Variants in SLC8A1 observed in about 807,000 individuals in gnomAD.
SLC8A1 encodes the protein sodium/calcium exchanger 1.
SLC8A1 carries 18 observed loss-of-function variants against 68.3 expected under a neutral mutation model. The observed-to-expected ratio is 0.26, with a 90% confidence interval of 0.18 to 0.39. SLC8A1 has a LOEUF of 0.39. Ranked by LOEUF, SLC8A1 falls within the 10% of genes least tolerant of loss-of-function variation. SLC8A1 has a pLI of 1.00. For synonymous variants in SLC8A1, 475 were observed against 415.5 expected (o/e 1.14, Z -1.74); for missense variants, 985 against 1,156.7 (o/e 0.85, Z 2.15).
At chr2:40,402,807 C>G (rs1373774882) in intron 2 of SLC8A1, among the ~76,000 whole-genome samples, 1 of 152,330 alleles carries the variant, frequency 6.6e-6, no homozygotes, top group East Asian at 1.9e-4. Context: ...CATCATTCAA[C>G]TACTCAACTT....
chr2:40,338,182 A>G (rs566171353), intron 2 of SLC8A1, among the ~76,000 whole-genome samples: 1 of 152,236 alleles, frequency 6.6e-6, no homozygotes, highest in East Asian at 1.9e-4. Context: ...GTAGTGGGGT[A>G]GCATCATGCA....
At chr2:40,294,622 G>C (rs182689002) in intron 2 of SLC8A1, among the ~76,000 whole-genome samples, 16 of 152,252 alleles carry the variant, frequency 1.1e-4, no homozygotes, top group Admixed American at 9.8e-4. Context: ...ACCAAGCGTA[G>C]TCACCTCTTG....
At chr2:40,334,781 T>A (rs1665400729) in intron 2 of SLC8A1, among the ~76,000 whole-genome samples, 1 of 152,156 alleles carries the variant, frequency 6.6e-6, no homozygotes, top group African/African-American at 2.4e-5. Flanking sequence ...AGAAATCTAA[T>A]TTGCATCTGG....
At chr2:40,258,818 G>C (rs898580018) in intron 2 of SLC8A1, among the ~76,000 whole-genome samples, 1 of 151,668 alleles carries the variant, frequency 6.6e-6, no homozygotes, top group East Asian at 1.9e-4. Flanking sequence ...CACCAGCCTG[G>C]GCAACAGAGT....
At chr2:40,449,246 G>C (rs963793430) in intron 1 of SLC8A1, among the ~76,000 whole-genome samples, 8 of 151,606 alleles carry the variant, frequency 5.3e-5, no homozygotes, top group Non-Finnish European at 1.0e-4. Flanking sequence ...ACATCTATGA[G>C]CTAAATGAAT....
chr2:40,166,495 G>A (rs1213695457), intron 4 of SLC8A1, among the ~76,000 whole-genome samples: 2 of 152,140 alleles, frequency 1.3e-5, no homozygotes, highest in Non-Finnish European at 2.9e-5. Context: ...AAATGATTTT[G>A]GACTGGCCAG....
At chr2:40,186,158 T>C (rs112344855) in intron 2 of SLC8A1, among the ~76,000 whole-genome samples, 47 of 152,304 alleles carry the variant, frequency 3.1e-4, no homozygotes, top group Admixed American at 1.0e-3. Context: ...TTTTCTTGCA[T>C]TGTGTTTACT....
At chr2:40,450,133 C>T (rs1297996457) in intron 1 of SLC8A1, among the ~76,000 whole-genome samples, 1 of 152,146 alleles carries the variant, frequency 6.6e-6, no homozygotes, top group Non-Finnish European at 1.5e-5. Flanking sequence ...TTCCTTCCTC[C>T]TGCTTTCACA....
intron 1 of SLC8A1, among the ~76,000 whole-genome samples, chr2:40,509,816 TTTTG>T (rs1169248388): frequency 8.2e-6 from 1 of 121,456 alleles, no homozygotes; most frequent in African/African-American, 3.3e-5. Context: ...ACAGCCTTTT[TTTTG>T]TTTTTTTTCC....
At chr2:40,195,439 T>G (rs1290071062) in intron 2 of SLC8A1, among the ~76,000 whole-genome samples, 4 of 151,834 alleles carry the variant, frequency 2.6e-5, no homozygotes, top group Admixed American at 6.6e-5. Flanking sequence ...GAAAATTGGT[T>G]GGGATCAGTC....
At chr2:40,188,950 CATTTT>C (rs1453775494) in intron 2 of SLC8A1, among the ~76,000 whole-genome samples, 1 of 152,118 alleles carries the variant, frequency 6.6e-6, no homozygotes, top group Non-Finnish European at 1.5e-5. Context: ...TTAAATTTCA[CATTTT>C]AATTTTATGT....
chr2:40,419,614 T>C (rs908778464), intron 2 of SLC8A1, among the ~76,000 whole-genome samples: 2 of 152,124 alleles, frequency 1.3e-5, no homozygotes, highest in Admixed American at 6.6e-5. Context: ...AACACAGATA[T>C]ACACACTGAA....
chr2:40,097,332 T>G (rs1572667766), exon 8 of SLC8A1: 1 of 86,306 alleles, frequency 1.2e-5, no homozygotes, highest in Admixed American at 1.2e-4. Flanking sequence ...GGAAAACAAT[T>G]AAGACAATGA....
At chr2:40,290,467 C>G (rs1376591698) in intron 2 of SLC8A1, among the ~76,000 whole-genome samples, 1 of 152,210 alleles carries the variant, frequency 6.6e-6, no homozygotes, top group East Asian at 1.9e-4. Context: ...GGTGCATTGT[C>G]TCAAAGAAAA....
At chr2:40,295,634 G>C (rs17025772) in intron 2 of SLC8A1, among the ~76,000 whole-genome samples, 6,991 of 152,146 alleles carry the variant, frequency 0.046, 311 homozygotes, top group East Asian at 0.22. Context: ...AGCAGATATT[G>C]ATCATAAGAA....
intron 2 of SLC8A1, among the ~76,000 whole-genome samples, chr2:40,412,455 A>G (rs1692452622): frequency 6.6e-6 from 1 of 152,192 alleles, no homozygotes; most frequent in African/African-American, 2.4e-5. Flanking sequence ...AATAACTAGC[A>G]AGTTATAGCA....
At chr2:40,113,082 G>A (rs2034766999) in exon 8 of SLC8A1, 1 of 152,214 alleles carries the variant, frequency 6.6e-6, no homozygotes, top group African/African-American at 2.4e-5. Context: ...CTGAGGGCAG[G>A]GATCTAGACT....
chr2:40,279,384 G>C (rs535300104), intron 2 of SLC8A1, among the ~76,000 whole-genome samples: 1 of 152,144 alleles, frequency 6.6e-6, no homozygotes, highest in Non-Finnish European at 1.5e-5. Flanking sequence ...TGCTAAAACA[G>C]AAAGTGGCTC....
chr2:40,498,041 G>C (rs11887097), intron 1 of SLC8A1, among the ~76,000 whole-genome samples: 23 of 151,844 alleles, frequency 1.5e-4, no homozygotes, highest in Non-Finnish European at 2.2e-4. Context: ...GACTGATTTG[G>C]TGTGTTGTGG....
Sources: gnomAD v4.1 joint callset for allele counts (sites outside exome capture counted in the v4.1 genomes callset) on GRCh38, gnomAD v4.1.1 for gene constraint, MANE v1.5 for transcripts, NCBI Gene and HGNC (gene_info 2026-07-23, HGNC 2026-07-21) for gene names.